IMPG2: variants seen among roughly 807,000 people sequenced by gnomAD.
The protein encoded by IMPG2 is IPM 200.
In IMPG2, 91 loss-of-function variants were observed where a neutral mutation model predicts 129.2. The observed-to-expected ratio is 0.70, with a 90% CI of 0.59 to 0.84. The LOEUF (loss-of-function observed/expected upper bound fraction) is 0.84, where lower values mean the gene tolerates loss of function less well. Ranked by LOEUF, IMPG2 falls within the 40% of genes least tolerant of loss-of-function variation. The pLI, the probability that IMPG2 is intolerant of heterozygous loss-of-function variation, is 0.00. For missense variants in IMPG2, 1,430 were observed against 1,461.7 expected (o/e 0.98, Z 0.35); for synonymous variants, 510 against 517.7 (o/e 0.99, Z 0.20).
In IMPG2 at chr3:101,272,116, C is replaced by T. The variant is rs527767489; in HGVS notation, c.828+1465G>A. On this transcript the variant is annotated intron_variant, in intron 7 of 18. Coordinates refer to ENST00000193391, the MANE Select transcript of IMPG2 (RefSeq NM_016247.4). ...TTACACACGCACACACACACACACA[C>T]ACACATACACACACACACAGACACA... Among the ~76,000 whole-genome samples, 307 of 151,810 alleles carry T rather than the reference C, an allele frequency of 2.0e-3. 1 individual carries two copies. The highest frequency in any genetic ancestry group is 6.9e-3 in the African/African-American group (285 of 41,302).
At chr3:101,271,320 T>G (rs1338520075) in intron 7 of IMPG2, among the ~76,000 whole-genome samples, 2 of 152,138 alleles carry the variant, frequency 1.3e-5, no homozygotes, top group African/African-American at 2.4e-5. Flanking sequence ...AGCACTCCAT[T>G]AACTGAAAAA....
At chr3:101,241,538 T>G (rs754376777) in intron 14 of IMPG2, among the ~76,000 whole-genome samples, 3 of 152,114 alleles carry the variant, frequency 2.0e-5, no homozygotes, top group African/African-American at 4.8e-5. Flanking sequence ...GGGGGCTATA[T>G]GGAGGATGGA....
intron 18 of IMPG2, among the ~76,000 whole-genome samples, chr3:101,227,200 C>T (rs1706234305): frequency 6.6e-6 from 1 of 152,164 alleles, no homozygotes; most frequent in South Asian, 2.1e-4. Flanking sequence ...ACTCCATTAA[C>T]ATTTTTTCGG....
intron 11 of IMPG2, among the ~76,000 whole-genome samples, chr3:101,248,114 CA>C (rs1706501703): frequency 6.6e-6 from 1 of 152,100 alleles, no homozygotes; most frequent in Admixed American, 6.5e-5. Flanking sequence ...AGAGCTAACC[CA>C]AAACAAGGTG....
rs1340590516 is a variant in IMPG2 at position 101,224,103 on chromosome 3, C to G, written c.*2866G>C. On this transcript the variant is annotated 3_prime_UTR_variant, in exon 19 of 19. Transcript: ENST00000193391. ...GAGGTTGCCAGGAGCTGAGATCGCCCCATTGCACTCCAGCCTGGGTGACAG... is the reference window on the plus strand; with the variant it reads ...GAGGTTGCCAGGAGCTGAGATCGCCGCATTGCACTCCAGCCTGGGTGACAG... The G allele has an allele frequency of 1.3e-5, 2 of 152,186 alleles. No individual in the cohort carries two copies. The highest frequency in any genetic ancestry group is 4.8e-5 in the African/African-American group (2 of 41,420). 9.4% of individuals were successfully genotyped at this position (152,186 alleles called of 1,614,324 possible). A position where few individuals can be genotyped will look rare whatever the true frequency, so the allele number is the denominator to read the frequency against.
At chr3:101,286,964 T>C (rs1352802930) in intron 4 of IMPG2, among the ~76,000 whole-genome samples, 2 of 152,316 alleles carry the variant, frequency 1.3e-5, no homozygotes, top group African/African-American at 4.8e-5. Context: ...TCCTAGTAGT[T>C]GTGAATGAGG....
At chr3:101,272,125 A>G (rs1458409025) in intron 7 of IMPG2, among the ~76,000 whole-genome samples, 1 of 151,872 alleles carries the variant, frequency 6.6e-6, no homozygotes, top group Non-Finnish European at 1.5e-5. Context: ...ACACACATAC[A>G]CACACACACA....
rs370095132 is a variant in IMPG2 at position 101,245,942 on chromosome 3, G to T, written c.1403C>A (p.Ser468Ter). The T allele has an allele frequency of 6.2e-7, 1 of 1,614,128 alleles. No homozygotes were observed. Among genetic ancestry groups the T allele is most frequent in the South Asian group, 1.1e-5 (1 of 91,082 alleles). The change falls in exon 12 of 19, where the codon TCG becomes TAG. Residue 468 changes from serine to a stop codon, truncating the protein, a stop_gained. Coordinates refer to ENST00000193391, the MANE Select transcript of IMPG2 (RefSeq NM_016247.4). LOFTEE classifies it high-confidence loss of function. ...TGGGGAAGAGCTGAGGCCCATCTTCGAGGGAAAGGCTAATTTGTGTGTAGA... is the reference window on the plus strand; with the variant it reads ...TGGGGAAGAGCTGAGGCCCATCTTCTAGGGAAAGGCTAATTTGTGTGTAGA... ...LVSTHKLAFP[S>*]KMGLSSSPEV...
Position 101,281,740 on chromosome 3 carries a change from A to G in IMPG2, c.534-5027T>C, listed in dbSNP as rs573778851. On this transcript the variant is annotated intron_variant, in intron 4 of 18. Coordinates refer to ENST00000193391, the MANE Select transcript of IMPG2 (RefSeq NM_016247.4). ...TATCCAGTAGGCTCCATGTAATCAC[A>G]GGGACCCTTTCATGTGGAAGAGAGA... Among the ~76,000 whole-genome samples the G allele has an allele frequency of 1.9e-3, 291 of 152,346 alleles. 1 individual carries two copies. The highest frequency in any genetic ancestry group is 3.3e-3 in the Non-Finnish European group (225 of 68,032).
chr3:101,290,061 T>TGA (rs1706988627), intron 4 of IMPG2, among the ~76,000 whole-genome samples: 1 of 151,712 alleles, frequency 6.6e-6, no homozygotes, highest in African/African-American at 2.4e-5. Flanking sequence ...CTTAGAGAAG[T>TGA]TAATCGAGCC....
At chr3:101,256,197 G>GAAAGAAAGAAAGAA in intron 10 of IMPG2, among the ~76,000 whole-genome samples, 1 of 148,614 alleles carries the variant, frequency 6.7e-6, no homozygotes, top group Admixed American at 6.7e-5. Flanking sequence ...AAGAAAGAAA[G>GAAAGAAAGAAAGAA]AAAGAAAGAA....
At position 101,259,570 on chromosome 3, in the gene IMPG2, T is replaced by G. The variant is rs992648311; in HGVS notation, c.909-1797A>C. Among the ~76,000 whole-genome samples, 9 of 150,190 alleles carry G rather than the reference T, an allele frequency of 6.0e-5. 1 individual carries two copies. The highest frequency in any genetic ancestry group is 2.2e-4 in the African/African-American group (9 of 40,696). On this transcript the variant is annotated intron_variant, in intron 9 of 18. Coordinates refer to ENST00000193391, the MANE Select transcript of IMPG2 (RefSeq NM_016247.4). ...AGAGAGGTACCCAGTGCCTACTAGATGAACAGAAATATATACTTGTCTGAA... is the reference window on the plus strand; with the variant it reads ...AGAGAGGTACCCAGTGCCTACTAGAGGAACAGAAATATATACTTGTCTGAA...
chr3:101,256,175 AAG>A (rs1288155129), intron 10 of IMPG2, among the ~76,000 whole-genome samples: 15 of 149,370 alleles, frequency 1.0e-4, no homozygotes, highest in South Asian at 2.1e-4. Flanking sequence ...GAAAGAAAGA[AAG>A]AAAGAAAGAA....
At position 101,281,498 on chromosome 3, in the gene IMPG2, A is replaced by C. The variant is rs554654224; in HGVS notation, c.534-4785T>G. ...CAACTGATAGCAGGAGATGTTTAAA[A>C]TAGGATATAGCAGAGTATTTGGTGC... is the stretch of plus-strand genomic sequence containing the variant. On this transcript the variant is annotated intron_variant, in intron 4 of 18. Coordinates refer to ENST00000193391, the MANE Select transcript of IMPG2 (RefSeq NM_016247.4). 8.5e-5 allele frequency among the ~76,000 whole-genome samples: 13 copies of C among 152,350 alleles called. No individual in the cohort carries two copies. In the East Asian group the frequency reaches 1.7e-3, roughly 20 times the overall value.
intron 3 of IMPG2, among the ~76,000 whole-genome samples, chr3:101,292,154 G>A (rs1177274325): frequency 2.0e-5 from 3 of 152,088 alleles, no homozygotes; most frequent in African/African-American, 7.2e-5. Context: ...CTGGTGCCAG[G>A]CCTCAATTTC....
chr3:101,305,641 C>T (rs1707181738), intron 2 of IMPG2, among the ~76,000 whole-genome samples: 1 of 151,972 alleles, frequency 6.6e-6, no homozygotes, highest in Non-Finnish European at 1.5e-5. Context: ...CCTAAAACTG[C>T]TCTAAGAAAT....
intron 4 of IMPG2, among the ~76,000 whole-genome samples, chr3:101,282,014 G>A (rs1706898059): frequency 6.6e-6 from 1 of 152,128 alleles, no homozygotes; most frequent in African/African-American, 2.4e-5. Context: ...GCCAAGGTCA[G>A]ACTAATTAGT....
At chr3:101,273,365 A>AT (rs1004480020) in intron 7 of IMPG2, among the ~76,000 whole-genome samples, 4 of 152,160 alleles carry the variant, frequency 2.6e-5, no homozygotes, top group African/African-American at 9.7e-5. Context: ...AATTGCATTT[A>AT]TTTTTTAGCA....
chr3:101,273,848 G>C, intron 6 of IMPG2, 106 bp from the exon 7 acceptor site: 1 of 1,085,094 alleles, frequency 9.2e-7, no homozygotes, highest in Non-Finnish European at 1.4e-6. Flanking sequence ...GGCAGCTTCT[G>C]AAGATAATCT....
Sources: allele counts gnomAD v4.1 joint callset (sites outside exome capture counted in the v4.1 genomes callset), GRCh38; gene constraint gnomAD v4.1.1; transcripts MANE v1.5; gene names NCBI Gene and HGNC (gene_info 2026-07-23, HGNC 2026-07-21).